LYN: variants seen among roughly 807,000 people sequenced by gnomAD.
LYN encodes tyrosine-protein kinase Lyn.
In LYN, 12 loss-of-function variants were observed where a neutral mutation model predicts 65.0. The ratio of observed to expected loss-of-function variants is 0.18; its 90% CI spans 0.12 to 0.30. The LOEUF (loss-of-function observed/expected upper bound fraction) is 0.30. Among genes scored for constraint, LYN ranks in the 10% least tolerant of loss-of-function variants. LYN has a pLI of 1.00. For synonymous variants in LYN, 222 were observed against 221.2 expected (o/e 1.00, Z -0.03); for missense variants, 380 against 623.2 (o/e 0.61, Z 4.16).
intron 1 of LYN, among the ~76,000 whole-genome samples, chr8:55,894,372 TTAA>T (rs1805033155): frequency 3.0e-5 from 2 of 67,116 alleles, no homozygotes; most frequent in African/African-American, 7.3e-5. Flanking sequence ...ATTAACTTTC[TTAA>T]TTTTTTTTTT....
intron 3 of LYN, 38 bp from the exon 4 acceptor site, chr8:55,947,580 A>G: frequency 6.8e-7 from 1 of 1,465,278 alleles, no homozygotes; most frequent in Non-Finnish European, 9.6e-7. Flanking sequence ...GCTTCTGCTG[A>G]TGGATTCTTA....
At chr8:55,932,223 T>C (rs1806291146) in intron 1 of LYN, among the ~76,000 whole-genome samples, 1 of 152,198 alleles carries the variant, frequency 6.6e-6, no homozygotes, top group Middle Eastern at 3.4e-3. Context: ...AAATTAAAAT[T>C]CTAAAAATGT....
At chr8:55,988,511 G>A (rs996799354) in intron 10 of LYN, among the ~76,000 whole-genome samples, 3 of 152,014 alleles carry the variant, frequency 2.0e-5, no homozygotes, top group African/African-American at 7.3e-5. Context: ...TAGGGCTTTT[G>A]AACATCATTA....
Position 56,010,157 on chromosome 8 carries a change from G to C in LYN, c.*47G>C, listed in dbSNP as rs1399948131. ...TTGGCAGGGGTGGCTGCCTCATTTA[G>C]AGAGGAAAAGTAACCATCACTGGTT... On this transcript the variant is annotated 3_prime_UTR_variant, in exon 13 of 13. Coordinates refer to ENST00000519728, the MANE Select transcript of LYN (RefSeq NM_002350.4). 4 of 1,578,378 alleles carry C rather than the reference G, an allele frequency of 2.5e-6. No homozygotes were observed. The East Asian group carries it at 9.0e-5, about 35-fold the overall frequency.
At chr8:55,899,575 C>G (rs1805203501) in intron 1 of LYN, among the ~76,000 whole-genome samples, 1 of 152,230 alleles carries the variant, frequency 6.6e-6, no homozygotes. Flanking sequence ...AAACACTCGT[C>G]AAGATTGTAT....
intron 1 of LYN, among the ~76,000 whole-genome samples, chr8:55,935,921 A>G (rs2130461199): frequency 6.6e-6 from 1 of 152,316 alleles, no homozygotes; most frequent in Admixed American, 6.5e-5. Context: ...GCTGCCAACC[A>G]GGCTATTGTG....
chr8:55,909,053 C>CT, intron 1 of LYN, among the ~76,000 whole-genome samples: 1 of 105,730 alleles, frequency 9.5e-6, no homozygotes, highest in Non-Finnish European at 1.9e-5. Context: ...ACACACACAC[C>CT]CCACATTTTC....
At chr8:55,964,635 G>C (rs185361372) in intron 8 of LYN, among the ~76,000 whole-genome samples, 10 of 152,312 alleles carry the variant, frequency 6.6e-5, no homozygotes, top group Admixed American at 3.3e-4. Context: ...GGAAGACCAA[G>C]GTGAGCAGAT....
At chr8:55,891,687 A>G (rs1202306180) in intron 1 of LYN, among the ~76,000 whole-genome samples, 1 of 152,198 alleles carries the variant, frequency 6.6e-6, no homozygotes, top group East Asian at 1.9e-4. Context: ...GTTACGATAC[A>G]AGTTTTATAT....
chr8:55,954,104 A>G (rs1807033463), intron 8 of LYN, 120 bp downstream of exon 8: 11 of 1,159,800 alleles, frequency 9.5e-6, no homozygotes, highest in African/African-American at 1.5e-5. Context: ...AGCATCATTT[A>G]TTTTGTTTTC....
At chr8:56,008,308 G>A (rs964507199) in intron 12 of LYN, among the ~76,000 whole-genome samples, 3 of 152,138 alleles carry the variant, frequency 2.0e-5, no homozygotes, top group Non-Finnish European at 4.4e-5. Context: ...CCCTGAAGCT[G>A]CCACTTATTT....
intron 1 of LYN, among the ~76,000 whole-genome samples, chr8:55,904,891 T>A (rs1805376554): frequency 6.6e-6 from 1 of 152,154 alleles, no homozygotes. Context: ...AAGGTTGTAG[T>A]GTAGAGTGTG....
intron 1 of LYN, among the ~76,000 whole-genome samples, chr8:55,897,162 G>A (rs1805133630): frequency 1.3e-5 from 2 of 152,114 alleles, no homozygotes; most frequent in African/African-American, 4.8e-5. Flanking sequence ...CTGATTGATC[G>A]CATTACAGTC....
chr8:55,991,121 G>T (rs1808236364), intron 10 of LYN, among the ~76,000 whole-genome samples: 1 of 152,204 alleles, frequency 6.6e-6, no homozygotes, highest in South Asian at 2.1e-4. Flanking sequence ...GGGGTCTGAG[G>T]TCTATCCCTG....
rs1808784265 is a variant in LYN at position 56,010,519 on chromosome 8, A to G, written c.*409A>G. 3.8e-6 allele frequency: 1 copy of G among 264,710 alleles called. No individual in the cohort carries two copies. The allele number at this position is 264,710 out of a possible 1,614,324, so 16.4% of individuals were successfully genotyped here. On this transcript the variant is annotated 3_prime_UTR_variant, in exon 13 of 13. Transcript: ENST00000519728. ...AACTAAACTCATTTATAAAGCTAAA[A>G]TAACCGGATATATACATAGCATGAC...
At chr8:55,921,278 A>C (rs574093898) in intron 1 of LYN, among the ~76,000 whole-genome samples, 1 of 152,322 alleles carries the variant, frequency 6.6e-6, no homozygotes, top group East Asian at 1.9e-4. Context: ...TTTGTTGCTG[A>C]CTTGGTAACC....
chr8:55,908,758 C>A (rs963800132), intron 1 of LYN, among the ~76,000 whole-genome samples: 1 of 151,686 alleles, frequency 6.6e-6, no homozygotes, highest in African/African-American at 2.4e-5. Flanking sequence ...TCTTACCCTC[C>A]AAAGTCTCCA....
chr8:55,964,023 C>G (rs1462897980), intron 8 of LYN, among the ~76,000 whole-genome samples: 4 of 152,090 alleles, frequency 2.6e-5, no homozygotes, highest in Admixed American at 2.6e-4. Flanking sequence ...TTTACAATAA[C>G]TCTTAAGATC....
intron 10 of LYN, among the ~76,000 whole-genome samples, chr8:55,993,779 T>C (rs1808306477): frequency 6.6e-6 from 1 of 152,206 alleles, no homozygotes; most frequent in South Asian, 2.1e-4. Context: ...CATCATCATC[T>C]TAGTAAAATG....
Sources: allele counts gnomAD v4.1 joint callset (sites outside exome capture counted in the v4.1 genomes callset), GRCh38; gene constraint gnomAD v4.1.1; transcripts MANE v1.5; gene names NCBI Gene and HGNC (gene_info 2026-07-23, HGNC 2026-07-21).